Variants in NRN1 observed in about 807,000 individuals in gnomAD.
The protein encoded by NRN1 is neuritin.
NRN1 carries 4 observed loss-of-function variants against 15.0 expected under a neutral mutation model. That is an observed-to-expected ratio of 0.27 (90% CI 0.13 to 0.61). The LOEUF (loss-of-function observed/expected upper bound fraction) is 0.61, where lower values mean the gene tolerates loss of function less well. Among genes scored for constraint, NRN1 ranks in the 20% least tolerant of loss-of-function variants. The probability of loss-of-function intolerance (pLI) is 0.87; values close to 1 mark genes in which losing one functional copy is unlikely to be tolerated. For synonymous variants in NRN1, 85 were observed against 79.8 expected, an observed-to-expected ratio of 1.07 and a Z score of -0.35; for missense variants, 134 against 181.9, an observed-to-expected ratio of 0.74 and a Z score of 1.51.
intron 1 of NRN1, 102 bp from the exon 2 acceptor site, chr6:6,002,599 G>T: frequency 6.8e-7 from 1 of 1,475,286 alleles, no homozygotes; most frequent in East Asian, 2.4e-5. Context: ...TCATCGCATC[G>T]GGCGGCCTCT....
intron 1 of NRN1, among the ~76,000 whole-genome samples, chr6:6,005,104 G>T (rs941659956): frequency 2.6e-5 from 4 of 151,864 alleles, no homozygotes; most frequent in Admixed American, 1.3e-4. Flanking sequence ...TTCAAAACGC[G>T]TCCCTCAGGC....
chr6:6,003,656 C>A lies in NRN1; in HGVS notation c.56-1159G>T, dbSNP rs1456378024. On this transcript the variant is annotated intron_variant, in intron 1 of 2. Coordinates refer to ENST00000244766, the MANE Select transcript of NRN1 (RefSeq NM_016588.3). ...AAGCCCCAAGCCCCCAAGCCCCCGG[C>A]CTCTGGACGGCCAAACCCCGAGGCG... The A allele has an allele frequency of 6.7e-6, 8 of 1,193,974 alleles. No homozygotes were observed. The South Asian group carries it at 3.4e-4, about 50-fold the overall frequency. 74.0% of individuals were successfully genotyped at this position (1,193,974 alleles called of 1,614,324 possible).
Position 6,002,374 on chromosome 6 carries a change from G to A in NRN1, c.179C>T (p.Thr60Met). The change falls in exon 2 of 3, where the codon ACG becomes ATG. Residue 60 changes from threonine to methionine, a missense_variant. Coordinates refer to ENST00000244766, the MANE Select transcript of NRN1 (RefSeq NM_016588.3). ...ANYPQGLDDK[T>M]NIKTVCTYWE... is the part of the protein sequence containing the mutation. The stretch of plus-strand genomic sequence containing the variant: ...TTACGTGCACACGGTCTTGATGTTC[G>A]TCTTGTCGTCCAGGCCCTGCGGGTA... 6.2e-7 allele frequency: 1 copy of A among 1,614,228 alleles called. No homozygotes were observed. Among genetic ancestry groups the A allele is most frequent in the Non-Finnish European group, 8.5e-7 (1 of 1,180,026 alleles).
Position 6,002,408 on chromosome 6 carries a change from T to A in NRN1, c.145A>T (p.Met49Leu), listed in dbSNP as rs747828300. Reference protein sequence around the residue: ...SDCLLKLGDSMANYPQGLDDK... With the variant: ...SDCLLKLGDSLANYPQGLDDK... ...TCCAGGCCCTGCGGGTAGTTGGCCATGCTGTCGCCCAGCTTGAGCAAACAG... is the reference window on the plus strand; with the variant it reads ...TCCAGGCCCTGCGGGTAGTTGGCCAAGCTGTCGCCCAGCTTGAGCAAACAG... The change falls in exon 2 of 3, where the codon ATG (methionine) becomes TTG (leucine). Residue 49 changes from methionine to leucine, a missense_variant. Coordinates refer to ENST00000244766, the MANE Select transcript of NRN1 (RefSeq NM_016588.3). 6.2e-6 allele frequency: 10 copies of A among 1,614,100 alleles called. No individual in the cohort carries two copies. The highest frequency in any genetic ancestry group is 8.5e-6 in the Non-Finnish European group (10 of 1,180,034).
At chr6:6,002,610 C>T in intron 1 of NRN1, 113 bp from the exon 2 acceptor site, 1 of 1,378,076 alleles carries the variant, frequency 7.3e-7, no homozygotes, top group South Asian at 1.4e-5. Flanking sequence ...GGCGGCCTCT[C>T]CCAGCGCCCA....
upstream of NRN1, among the ~76,000 whole-genome samples, chr6:6,007,242 C>G (rs1758134630): frequency 6.6e-6 from 1 of 152,060 alleles, no homozygotes; most frequent in South Asian, 2.1e-4. Context: ...GGGGGCCCCC[C>G]AGCCCCGCCG....
At chr6:6,000,068 C>T (rs1757898821) in intron 2 of NRN1, among the ~76,000 whole-genome samples, 1 of 152,236 alleles carries the variant, frequency 6.6e-6, no homozygotes, top group Non-Finnish European at 1.5e-5. Context: ...CAGTCTTTTC[C>T]GTGGGCTTGG....
At chr6:6,004,140 G>T in intron 1 of NRN1, 2 of 690,744 alleles carry the variant, frequency 2.9e-6, no homozygotes, top group Non-Finnish European at 3.6e-6. Context: ...CTGGGGAAGG[G>T]ACCGAGGTTA....
rs1016104224 is a variant in NRN1, at chr6:6,000,719, G to T, written c.201-1515C>A. 1.1e-3 allele frequency among the ~76,000 whole-genome samples: 90 copies of T among 85,462 alleles called. 1 individual carries two copies. The highest frequency in any genetic ancestry group is 3.6e-3 in the African/African-American group (80 of 21,942). 56.1% of individuals were successfully genotyped at this position (85,462 alleles called of 152,430 possible). On this transcript the variant is annotated intron_variant, in intron 2 of 2. Transcript: ENST00000244766. Reference sequence around the variant, plus strand: ...GCCCCTGCTAAAGGATGCCTAAATTGCTCTTTTTTTTTTTTTTTTTTTTTT... The same window carrying T: ...GCCCCTGCTAAAGGATGCCTAAATTTCTCTTTTTTTTTTTTTTTTTTTTTT...
At position 6,006,760 on chromosome 6, in the gene NRN1, G is replaced by T. The variant is rs1360932048; in HGVS notation, c.-11C>A. 6.2e-7 allele frequency: 1 copy of T among 1,614,006 alleles called. No individual in the cohort carries two copies. Among genetic ancestry groups the T allele is most frequent in the Non-Finnish European group, 8.5e-7 (1 of 1,179,864 alleles). ...CAACTTAAGTCCCATCCTACGTTTA[G>T]TCAAACCATTTGCGACCGCAGACCT... On this transcript the variant is annotated 5_prime_UTR_variant, in exon 1 of 3. Coordinates refer to ENST00000244766, the MANE Select transcript of NRN1 (RefSeq NM_016588.3).
Position 5,998,753 on chromosome 6 carries a change from T to G in NRN1, c.*223A>C. On this transcript the variant is annotated 3_prime_UTR_variant, in exon 3 of 3. Coordinates refer to ENST00000244766, the MANE Select transcript of NRN1 (RefSeq NM_016588.3). The stretch of plus-strand genomic sequence containing the variant: ...AGACGGACTAAAGCTGAGGTCCGAT[T>G]TTGGCTGTGCTTGCTTGCTCACTGA... 1.9e-6 allele frequency: 1 copy of G among 529,618 alleles called. No individual in the cohort carries two copies. Among genetic ancestry groups the G allele is most frequent in the Non-Finnish European group, 3.4e-6 (1 of 297,960 alleles). The allele number at this position is 529,618 out of a possible 1,614,324, so 32.8% of individuals were successfully genotyped here. A position where few individuals can be genotyped will look rare whatever the true frequency, so the allele number is the denominator to read the frequency against.
intron 1 of NRN1, among the ~76,000 whole-genome samples, chr6:6,003,440 C>T (rs1238684034): frequency 6.6e-6 from 1 of 152,190 alleles, no homozygotes; most frequent in African/African-American, 2.4e-5. Flanking sequence ...CCAAAAAGCC[C>T]GCCTACACTC....
intron 1 of NRN1, among the ~76,000 whole-genome samples, chr6:6,005,285 C>T (rs1165940121): frequency 6.6e-6 from 1 of 152,192 alleles, no homozygotes; most frequent in Non-Finnish European, 1.5e-5. Context: ...TCACTTATTT[C>T]CAACATTTAA....
rs149104896 is a variant in NRN1, at chr6:6,001,609, C to T, written c.200+744G>A. Among the ~76,000 whole-genome samples the T allele has an allele frequency of 1.5e-3, 223 of 152,194 alleles. 2 individuals carry two copies. Among genetic ancestry groups the T allele is most frequent in the African/African-American group, 5.0e-3 (207 of 41,520 alleles). On this transcript the variant is annotated intron_variant, in intron 2 of 2. Coordinates refer to ENST00000244766, the MANE Select transcript of NRN1 (RefSeq NM_016588.3). ...GGTCTGGGGACGCCTTACAGATGTGCGAGGGGGCAAGGGAAACAAGGAGAG... is the reference window on the plus strand; with the variant it reads ...GGTCTGGGGACGCCTTACAGATGTGTGAGGGGGCAAGGGAAACAAGGAGAG...
In NRN1 at chr6:5,999,207, G is replaced by A. The variant is rs1561901985; in HGVS notation, c.201-3C>T. On this transcript the variant is annotated splice_region_variant and splice_polypyrimidine_tract_variant and intron_variant, in intron 2 of 2. Transcript: ENST00000244766. ...AGCTGTGGAAATCCTCCCAGTATCT[G>A]GTGAGGAACAGAACAAAACAGAACA... is the stretch of plus-strand genomic sequence containing the variant. 2.5e-6 allele frequency: 4 copies of A among 1,609,394 alleles called. No individual in the cohort carries two copies. The highest frequency in any genetic ancestry group is 2.5e-6 in the Non-Finnish European group (3 of 1,176,556).
chr6:6,003,623 G>T (rs1014985063), intron 1 of NRN1: 1 of 938,420 alleles, frequency 1.1e-6, no homozygotes, highest in African/African-American at 1.7e-5. Flanking sequence ...CAGGCCGCAC[G>T]AAGGTCCAAG....
In NRN1 at chr6:5,999,092, C is replaced by G; in HGVS notation, c.313G>C (p.Gly105Arg). Reference protein sequence around the residue: ...RKESKNLNIQGSLFELCGSGN... With the variant: ...RKESKNLNIQRSLFELCGSGN... Reference sequence around the variant, plus strand: ...CTGCCGCAGAGTTCGAATAAGCTGCCTTGGATGTTGAGGTTTTTGGATTCT... The same window carrying G: ...CTGCCGCAGAGTTCGAATAAGCTGCGTTGGATGTTGAGGTTTTTGGATTCT... Residue 105 changes from glycine (G) to arginine (R), a missense_variant, in exon 3 of 3, where the codon GGC becomes CGC. Gly to Arg is a moderately radical substitution (Grantham distance 125, BLOSUM62 -2). Transcript: ENST00000244766. The G allele has an allele frequency of 6.2e-7, 1 of 1,614,196 alleles. No individual in the cohort carries two copies. The highest frequency in any genetic ancestry group is 8.5e-7 in the Non-Finnish European group (1 of 1,180,030).
upstream of NRN1, chr6:6,006,949 GA>G: frequency 2.1e-5 from 4 of 187,024 alleles, no homozygotes; most frequent in Admixed American, 7.4e-5. Context: ...AAGAGAGAGA[GA>G]GAGAGAGGCT....
chr6:6,006,115 T>C (rs1352701952), intron 1 of NRN1, among the ~76,000 whole-genome samples: 1 of 152,176 alleles, frequency 6.6e-6, no homozygotes, highest in Non-Finnish European at 1.5e-5. Flanking sequence ...TGTTAAAATA[T>C]GTGGTCTGAA....
Sources: allele counts gnomAD v4.1 joint callset (sites outside exome capture counted in the v4.1 genomes callset), GRCh38; gene constraint gnomAD v4.1.1; transcripts MANE v1.5; gene names NCBI Gene and HGNC (gene_info 2026-07-23, HGNC 2026-07-21).